UPF2: variants seen among roughly 807,000 people sequenced by gnomAD.
UPF2 encodes the protein UPF2 regulator of nonsense mediated mRNA decay, also known as regulator of nonsense transcripts 2.
UPF2 carries 17 observed loss-of-function variants against 141.4 expected under a neutral mutation model. The ratio of observed to expected loss-of-function variants is 0.12; its 90% CI spans 0.08 to 0.18. UPF2 has a LOEUF of 0.18. UPF2 is among the 10% of genes least tolerant of loss of function. UPF2 has a pLI of 1.00. For synonymous variants in UPF2, 540 were observed against 498.0 expected (o/e 1.08, Z -1.12); for missense variants, 1,152 against 1,515.9 (o/e 0.76, Z 3.99).
intron 9 of UPF2, among the ~76,000 whole-genome samples, chr10:11,968,709 C>A (rs1208376648): frequency 6.6e-6 from 1 of 152,168 alleles, no homozygotes; most frequent in African/African-American, 2.4e-5. Context: ...CAAAATCCTG[C>A]TGCAACAGTA....
At chr10:11,938,200 A>AT (rs895502592) in intron 18 of UPF2, among the ~76,000 whole-genome samples, 14 of 152,018 alleles carry the variant, frequency 9.2e-5, no homozygotes, top group African/African-American at 3.4e-4. Flanking sequence ...CAACATACAT[A>AT]TTTTTTCTTC....
At chr10:11,938,196 A>G (rs542004166) in intron 18 of UPF2, among the ~76,000 whole-genome samples, 8 of 152,254 alleles carry the variant, frequency 5.3e-5, no homozygotes, top group African/African-American at 1.2e-4. Context: ...CACTCAACAT[A>G]CATATTTTTT....
At position 11,920,871 on chromosome 10, in the gene UPF2, A is replaced by G. The variant is rs1227691542; in HGVS notation, c.*427T>C. 1.8e-5 allele frequency: 7 copies of G among 389,524 alleles called. No homozygotes were observed. Among genetic ancestry groups the G allele is most frequent in the African/African-American group, 4.1e-5 (2 of 48,214 alleles). The allele number at this position is 389,524 out of a possible 1,614,324, so 24.1% of individuals were successfully genotyped here. ...CAAATGTATCTTCTTCCAACGTGGG[A>G]TGTTCAATTCAGAGACACTGAAACT... is the stretch of plus-strand genomic sequence containing the variant. On this transcript the variant is annotated 3_prime_UTR_variant, in exon 22 of 22. Coordinates refer to ENST00000357604, the MANE Select transcript of UPF2 (RefSeq NM_015542.4).
At chr10:11,929,391 T>C (rs73571322) in intron 21 of UPF2, among the ~76,000 whole-genome samples, 13 of 152,292 alleles carry the variant, frequency 8.5e-5, no homozygotes, top group African/African-American at 3.1e-4. Context: ...CCAATGTCTT[T>C]GTAAGAACAG....
chr10:12,011,692 T>A (rs1046534403), intron 4 of UPF2, among the ~76,000 whole-genome samples: 7 of 151,678 alleles, frequency 4.6e-5, no homozygotes, highest in African/African-American at 1.5e-4. Flanking sequence ...ACACCTGTAA[T>A]CCCAGCACTT....
chr10:12,023,618 AGGT>A (rs143797196), intron 3 of UPF2, among the ~76,000 whole-genome samples: 6,863 of 151,636 alleles, frequency 0.045, 183 homozygotes, highest in Middle Eastern at 0.092. Context: ...TGAACCCAGG[AGGT>A]GGAGGTTGTG....
At chr10:11,941,762 G>T (rs966203479) in intron 18 of UPF2, among the ~76,000 whole-genome samples, 2 of 152,060 alleles carry the variant, frequency 1.3e-5, no homozygotes, top group Non-Finnish European at 2.9e-5. Context: ...GTCACCAAAG[G>T]GTTAACAACA....
Position 11,939,659 on chromosome 10 carries a change from C to T in UPF2, c.3379-2947G>A, listed in dbSNP as rs79123519. Among the ~76,000 whole-genome samples, 24 of 152,062 alleles carry T rather than the reference C, an allele frequency of 1.6e-4. No homozygotes were observed. Among genetic ancestry groups the T allele is most frequent in the South Asian group, 1.0e-3 (5 of 4,814 alleles). On this transcript the variant is annotated intron_variant, in intron 18 of 21. Transcript: ENST00000357604. The surrounding 1 kb of genome is among the most constrained non-coding windows in gnomAD (Gnocchi z 4.8). Reference sequence around the variant, plus strand: ...CCTCCTGAGTAGCTGGGATTACAGGCGCCTGCCACCATGCCTGGCTAATTT... The same window carrying T: ...CCTCCTGAGTAGCTGGGATTACAGGTGCCTGCCACCATGCCTGGCTAATTT...
rs994941119 is a variant in UPF2, at chr10:11,920,277, G to A, written c.*1021C>T. ...GCTGGAAAGCAAACCAAAGACAGCT[G>A]TCCTAAGAAATTAACAGATTGTCAG... On this transcript the variant is annotated 3_prime_UTR_variant, in exon 22 of 22. Transcript: ENST00000357604. The A allele has an allele frequency of 6.6e-6, 1 of 151,982 alleles. No homozygotes were observed. Among genetic ancestry groups the A allele is most frequent in the African/African-American group, 2.4e-5 (1 of 41,378 alleles). 9.4% of individuals were successfully genotyped at this position (151,982 alleles called of 1,614,324 possible). A position where few individuals can be genotyped will look rare whatever the true frequency, so the allele number is the denominator to read the frequency against.
chr10:12,021,442 G>A (rs983894942), intron 3 of UPF2, among the ~76,000 whole-genome samples: 1 of 152,096 alleles, frequency 6.6e-6, no homozygotes, highest in Non-Finnish European at 1.5e-5. Flanking sequence ...GGGAGGCTGA[G>A]GTGGGAGATA....
chr10:12,024,949 A>C (rs1179927551), intron 3 of UPF2, among the ~76,000 whole-genome samples: 3 of 149,910 alleles, frequency 2.0e-5, no homozygotes, highest in Non-Finnish European at 3.0e-5. Flanking sequence ...AAAAAAAAAA[A>C]AAAAAAAACA....
At chr10:12,034,967 C>T (rs1265473127) in intron 2 of UPF2, 92 bp downstream of exon 2, 3 of 1,492,078 alleles carry the variant, frequency 2.0e-6, no homozygotes, top group South Asian at 2.8e-5. Context: ...AAGAGCTGCA[C>T]CCAGGACGCT....
At chr10:11,966,907 A>G (rs937586814) in intron 10 of UPF2, among the ~76,000 whole-genome samples, 1 of 152,264 alleles carries the variant, frequency 6.6e-6, no homozygotes, top group African/African-American at 2.4e-5. Flanking sequence ...TTCACATGAC[A>G]GAGTAAGATA....
chr10:11,928,726 A>G, intron 21 of UPF2: 1 of 361,592 alleles, frequency 2.8e-6, no homozygotes, highest in Non-Finnish European at 5.4e-6. Flanking sequence ...AAAAAAACTA[A>G]AAACCATAAA....
chr10:12,004,758 A>G (rs760264226), intron 4 of UPF2, 31 bp from the exon 5 acceptor site: 3 of 1,596,804 alleles, frequency 1.9e-6, no homozygotes, highest in African/African-American at 1.3e-5. Flanking sequence ...AGTAATTAAC[A>G]TAACTTGAGG....
At chr10:11,946,893 G>A (rs1418301350) in intron 16 of UPF2, among the ~76,000 whole-genome samples, 1 of 152,138 alleles carries the variant, frequency 6.6e-6, no homozygotes, top group African/African-American at 2.4e-5. Context: ...AAACGTAAGT[G>A]AGTTTGGAAG....
At position 12,014,312 on chromosome 10, in the gene UPF2, C is replaced by T; in HGVS notation, c.1146-128G>A. On this transcript the variant is annotated intron_variant, in intron 3 of 21. Coordinates refer to ENST00000357604, the MANE Select transcript of UPF2 (RefSeq NM_015542.4). This position sits in a 1 kb window ranked among gnomAD's most constrained non-coding sequence, Gnocchi z 5.0. Reference sequence around the variant, plus strand: ...TAGTAAAATCTTCATTTTTATTTAACATTTGAATCTAGTATTTTCAAAATG... The same window carrying T: ...TAGTAAAATCTTCATTTTTATTTAATATTTGAATCTAGTATTTTCAAAATG... 2.2e-6 allele frequency: 2 copies of T among 919,188 alleles called. No individual in the cohort carries two copies. Among genetic ancestry groups the T allele is most frequent in the Non-Finnish European group, 2.9e-6 (2 of 697,034 alleles). 56.9% of individuals were successfully genotyped at this position (919,188 alleles called of 1,614,324 possible).
rs532628140 is a variant in UPF2 at position 11,980,107 on chromosome 10, C to T, written c.1845-942G>A. On this transcript the variant is annotated intron_variant, in intron 8 of 21. Coordinates refer to ENST00000357604, the MANE Select transcript of UPF2 (RefSeq NM_015542.4). This position sits in a 1 kb window ranked among gnomAD's most constrained non-coding sequence, Gnocchi z 4.2. Reference sequence around the variant, plus strand: ...GCCACCCTCTTCCATTGTCAAAGCACTCTTTCCCATTACACAGGAATGATG... The same window carrying T: ...GCCACCCTCTTCCATTGTCAAAGCATTCTTTCCCATTACACAGGAATGATG... Among the ~76,000 whole-genome samples, 1 of 152,322 alleles carries T rather than the reference C, an allele frequency of 6.6e-6. No individual in the cohort carries two copies. The highest frequency in any genetic ancestry group is 6.5e-5 in the Admixed American group (1 of 15,300).
chr10:11,933,510 C>T (rs1832806586), intron 19 of UPF2, among the ~76,000 whole-genome samples: 1 of 152,046 alleles, frequency 6.6e-6, no homozygotes, highest in Non-Finnish European at 1.5e-5. Context: ...AAACTAAATG[C>T]TACATTTTAA....
Sources: allele counts gnomAD v4.1 joint callset (sites outside exome capture counted in the v4.1 genomes callset), GRCh38; gene constraint gnomAD v4.1.1; non-coding constraint Gnocchi (gnomAD v3.1); transcripts MANE v1.5; gene names NCBI Gene and HGNC (gene_info 2026-07-23, HGNC 2026-07-21).